The following ADARB2 variants were observed in gnomAD, a reference collection of about 807,000 sequenced individuals.
ADARB2 encodes the protein adenosine deaminase RNA specific B2 (inactive), also known as inactive double-stranded RNA-specific editase B2.
Under a neutral mutation model 62.2 loss-of-function variants are expected in ADARB2, and 25 were observed. That is an observed-to-expected ratio of 0.40 (90% CI 0.29 to 0.56). ADARB2 has a LOEUF of 0.56. Among genes scored for constraint, ADARB2 ranks in the 20% least tolerant of loss-of-function variants. The probability of loss-of-function intolerance (pLI) is 0.43; values close to 1 mark genes in which losing one functional copy is unlikely to be tolerated. For missense variants in ADARB2, 1,071 were observed against 1,077.4 expected, an observed-to-expected ratio of 0.99 and a Z score of 0.08; for synonymous variants, 572 against 500.8, an observed-to-expected ratio of 1.14 and a Z score of -1.90.
intron 7 of ADARB2, among the ~76,000 whole-genome samples, chr10:1,213,420 C>T (rs1211010030): frequency 1.3e-5 from 2 of 152,126 alleles, no homozygotes; most frequent in South Asian, 2.1e-4. Context: ...AGTACCAGAA[C>T]CAGAAGGTGG....
chr10:1,546,298 A>G (rs1243715534), intron 1 of ADARB2, among the ~76,000 whole-genome samples: 1 of 152,258 alleles, frequency 6.6e-6, no homozygotes, highest in Non-Finnish European at 1.5e-5. Flanking sequence ...CTTTCCGTGC[A>G]GAGAGCAGCA....
rs370168244 is a variant in ADARB2, at chr10:1,211,155, A to G, written c.1682+5796T>C. 4.2e-4 allele frequency among the ~76,000 whole-genome samples: 63 copies of G among 151,338 alleles called. 1 individual carries two copies. Among genetic ancestry groups the G allele is most frequent in the African/African-American group, 1.5e-3 (61 of 41,158 alleles). ...TCAGTCATCTAATCTATAATCTATCATCTATCTAATCTATGATCTATCATC... is the reference window on the plus strand; with the variant it reads ...TCAGTCATCTAATCTATAATCTATCGTCTATCTAATCTATGATCTATCATC... On this transcript the variant is annotated intron_variant, in intron 7 of 9. Coordinates refer to ENST00000381312, the MANE Select transcript of ADARB2 (RefSeq NM_018702.4).
intron 6 of ADARB2, among the ~76,000 whole-genome samples, chr10:1,220,048 ATGGTGGTGG>A (rs532695137): frequency 8.4e-6 from 1 of 118,888 alleles, no homozygotes; most frequent in East Asian, 2.9e-4. Context: ...GGTAATGGTG[ATGGTGGTGG>A]TGGTGATGAT....
intron 1 of ADARB2, among the ~76,000 whole-genome samples, chr10:1,633,564 C>CTATCTATCTATCTATCTATCTATCTA (rs1564353067): frequency 4.5e-4 from 65 of 145,686 alleles, no homozygotes; most frequent in East Asian, 1.0e-3. Flanking sequence ...ATCTATCTAT[C>CTATCTATCTATCTATCTATCTATCTA]TATCTATCTA....
At chr10:1,679,130 T>A (rs568339001) in intron 1 of ADARB2, among the ~76,000 whole-genome samples, 1 of 152,262 alleles carries the variant, frequency 6.6e-6, no homozygotes, top group Admixed American at 6.5e-5. Context: ...GGGCAGTTGG[T>A]GTTTCATCTT....
chr10:1,302,533 A>C lies in ADARB2; in HGVS notation c.1078-31464T>G, dbSNP rs1169723014. ...AACTGGGTGGAGCCCACCACAGCTC[A>C]AGGAGGCCTGCGTGCCTCTGTAGGC... On this transcript the variant is annotated intron_variant, in intron 3 of 9. Transcript: ENST00000381312. 9.8e-5 allele frequency among the ~76,000 whole-genome samples: 15 copies of C among 152,344 alleles called. No individual in the cohort carries two copies. In the South Asian group the frequency reaches 2.7e-3, roughly 27 times the overall value.
rs560964492 is a variant in ADARB2, at chr10:1,658,849, C to A, written c.100+78202G>T. On this transcript the variant is annotated intron_variant, in intron 1 of 9. Coordinates refer to ENST00000381312, the MANE Select transcript of ADARB2 (RefSeq NM_018702.4). ...GAGGCTGCTATTGTTTGGGGTTCAG[C>A]TGTCAGTATTGTTATCCTGCAAAAT... Among the ~76,000 whole-genome samples, 3 of 152,370 alleles carry A rather than the reference C, an allele frequency of 2.0e-5. No homozygotes were observed. In the South Asian group the frequency reaches 6.2e-4, roughly 32 times the overall value.
intron 1 of ADARB2, among the ~76,000 whole-genome samples, chr10:1,716,197 C>A (rs1835015040): frequency 6.6e-6 from 1 of 152,226 alleles, no homozygotes. Context: ...CATCACGACT[C>A]ATGCACACCT....
At chr10:1,544,789 A>G (rs1306907388) in intron 1 of ADARB2, among the ~76,000 whole-genome samples, 2 of 152,170 alleles carry the variant, frequency 1.3e-5, no homozygotes, top group African/African-American at 2.4e-5. Context: ...TACATACCAC[A>G]TAAAGTCTAT....
intron 1 of ADARB2, among the ~76,000 whole-genome samples, chr10:1,412,231 T>C (rs1261659480): frequency 2.6e-5 from 4 of 152,130 alleles, no homozygotes; most frequent in Non-Finnish European, 5.9e-5. Context: ...CGGGGCTGGT[T>C]AGAGGATGGC....
chr10:1,472,907 G>A (rs1831344468), intron 1 of ADARB2, among the ~76,000 whole-genome samples: 1 of 152,128 alleles, frequency 6.6e-6, no homozygotes, highest in Admixed American at 6.5e-5. Flanking sequence ...TCTCTCTACG[G>A]TAATAGTTGG....
intron 6 of ADARB2, among the ~76,000 whole-genome samples, chr10:1,232,682 TG>T (rs1830819701): frequency 1.3e-5 from 2 of 151,612 alleles, no homozygotes; most frequent in African/African-American, 4.9e-5. Flanking sequence ...GCTTGTGACG[TG>T]TGTGGTATAT....
At chr10:1,650,234 T>C (rs1834093095) in intron 1 of ADARB2, among the ~76,000 whole-genome samples, 1 of 152,212 alleles carries the variant, frequency 6.6e-6, no homozygotes, top group South Asian at 2.1e-4. Context: ...TTTATGTTTT[T>C]TGGGGGTAAG....
chr10:1,685,379 G>C (rs971209665), intron 1 of ADARB2, among the ~76,000 whole-genome samples: 1 of 152,142 alleles, frequency 6.6e-6, no homozygotes, highest in Non-Finnish European at 1.5e-5. Context: ...CCATACATGC[G>C]ATTTCATGGG....
intron 3 of ADARB2, among the ~76,000 whole-genome samples, chr10:1,322,659 T>TA (rs763188574): frequency 5.9e-5 from 9 of 152,164 alleles, no homozygotes; most frequent in Non-Finnish European, 1.2e-4. Flanking sequence ...TAAGAGCCAC[T>TA]GGCACATCAC....
intron 1 of ADARB2, among the ~76,000 whole-genome samples, chr10:1,595,061 A>C (rs1360274697): frequency 6.6e-6 from 1 of 152,160 alleles, no homozygotes; most frequent in Non-Finnish European, 1.5e-5. Context: ...AGCACAGACA[A>C]TGCAGGGAGC....
chr10:1,669,717 T>G (rs1201513964), intron 1 of ADARB2, among the ~76,000 whole-genome samples: 2 of 141,814 alleles, frequency 1.4e-5, no homozygotes, highest in Admixed American at 1.4e-4. Context: ...GAGACACACC[T>G]AGACACACAC....
At chr10:1,359,772 A>G (rs2805573) in intron 3 of ADARB2, among the ~76,000 whole-genome samples, 107,172 of 152,118 alleles carry the variant, frequency 0.7, 38,435 homozygotes, top group African/African-American at 0.84. Flanking sequence ...GACAAGCTCC[A>G]GCCGCAGTGG....
intron 4 of ADARB2, among the ~76,000 whole-genome samples, chr10:1,261,607 C>G (rs1219296061): frequency 6.7e-6 from 1 of 149,644 alleles, no homozygotes; most frequent in Non-Finnish European, 1.5e-5. Flanking sequence ...GAGATACCAT[C>G]TCACACCAGG....
Sources: allele counts gnomAD v4.1 joint callset (sites outside exome capture counted in the v4.1 genomes callset), GRCh38; gene constraint gnomAD v4.1.1; transcripts MANE v1.5; gene names NCBI Gene and HGNC (gene_info 2026-07-23, HGNC 2026-07-21).